Variants in NDC1 observed in about 807,000 individuals in gnomAD.
The protein encoded by NDC1 is nucleoporin NDC1.
In NDC1, 24 loss-of-function variants were observed where a neutral mutation model predicts 89.8. The observed-to-expected ratio is 0.27, with a 90% CI of 0.19 to 0.38. The LOEUF (loss-of-function observed/expected upper bound fraction) is 0.38. Among genes scored for constraint, NDC1 ranks in the 10% least tolerant of loss-of-function variants. The pLI, the probability that NDC1 is intolerant of heterozygous loss-of-function variation, is 1.00. For missense variants in NDC1, 728 were observed against 797.6 expected, an observed-to-expected ratio of 0.91 and a Z score of 1.05; for synonymous variants, 296 against 284.8, an observed-to-expected ratio of 1.04 and a Z score of -0.39.
intron 16 of NDC1, among the ~76,000 whole-genome samples, chr1:53,782,410 T>C (rs1371362074): frequency 6.6e-6 from 1 of 152,116 alleles, no homozygotes; most frequent in Non-Finnish European, 1.5e-5. Context: ...CTCAAGGACA[T>C]GGGGACAAAG....
intron 13 of NDC1, among the ~76,000 whole-genome samples, chr1:53,796,459 T>C (rs551786986): frequency 6.6e-6 from 1 of 152,052 alleles, no homozygotes; most frequent in African/African-American, 2.4e-5. Flanking sequence ...ACACCTTGGA[T>C]ATATAAAGAA....
At chr1:53,800,246 A>C (rs116321588) in intron 11 of NDC1, among the ~76,000 whole-genome samples, 1 of 151,986 alleles carries the variant, frequency 6.6e-6, no homozygotes, top group Non-Finnish European at 1.5e-5. Flanking sequence ...TCTTGGTTCA[A>C]TATAAGATGC....
intron 1 of NDC1, 27 bp downstream of exon 1, chr1:53,838,178 G>T (rs1318249766): frequency 3.9e-6 from 6 of 1,529,258 alleles, no homozygotes; most frequent in Non-Finnish European, 5.3e-6. Context: ...CCCTGGCAGT[G>T]CGTGCCACAG....
rs370192260 is a variant in NDC1, at chr1:53,791,979, T to G, written c.1635+1250A>C. On this transcript the variant is annotated intron_variant, in intron 14 of 17. Coordinates refer to ENST00000371429, the MANE Select transcript of NDC1 (RefSeq NM_018087.5). Reference sequence around the variant, plus strand: ...TTTTTTTGAGACGGCGTCTCGCTCTTTCACCCAGGCCGGACTCCAGTGGCT... The same window carrying G: ...TTTTTTTGAGACGGCGTCTCGCTCTGTCACCCAGGCCGGACTCCAGTGGCT... Among the ~76,000 whole-genome samples the G allele has an allele frequency of 1.5e-4, 23 of 151,772 alleles. 1 individual carries two copies. Among genetic ancestry groups the G allele is most frequent in the Admixed American group, 3.3e-4 (5 of 15,228 alleles).
chr1:53,771,364 T>G (rs1647111952), intron 17 of NDC1, among the ~76,000 whole-genome samples: 1 of 152,210 alleles, frequency 6.6e-6, no homozygotes, highest in South Asian at 2.1e-4. Context: ...TCAGGCAAAT[T>G]TTAACATCTC....
chr1:53,787,705 G>A (rs983243319), intron 15 of NDC1, among the ~76,000 whole-genome samples: 4 of 145,384 alleles, frequency 2.8e-5, no homozygotes, highest in Admixed American at 6.8e-5. Context: ...AAAGGGAGGA[G>A]CAATTCAATA....
chr1:53,774,795 G>A (rs1413094590), intron 16 of NDC1, among the ~76,000 whole-genome samples: 2 of 152,038 alleles, frequency 1.3e-5, no homozygotes, highest in Non-Finnish European at 2.9e-5. Context: ...ACTGATGTGG[G>A]TGGGAGGATT....
Position 53,804,027 on chromosome 1 carries a change from C to T in NDC1, c.985-18G>A, listed in dbSNP as rs1240200233. The T allele has an allele frequency of 6.3e-7, 1 of 1,581,820 alleles. No homozygotes were observed. Among genetic ancestry groups the T allele is most frequent in the Admixed American group, 1.7e-5 (1 of 59,204 alleles). Reference sequence around the variant, plus strand: ...GCTAAATACTAACAGGGGGAAAAAACACATATTATTTAATTTTTTTTAACC... The same window carrying T: ...GCTAAATACTAACAGGGGGAAAAAATACATATTATTTAATTTTTTTTAACC... On this transcript the variant is annotated intron_variant, in intron 9 of 17. Transcript: ENST00000371429.
intron 13 of NDC1, among the ~76,000 whole-genome samples, chr1:53,794,752 G>A (rs1421717801): frequency 6.6e-6 from 1 of 152,094 alleles, no homozygotes; most frequent in African/African-American, 2.4e-5. Flanking sequence ...GCAGGCACCT[G>A]TAGTCCCAGC....
intron 7 of NDC1, among the ~76,000 whole-genome samples, chr1:53,809,364 C>A (rs982301269): frequency 6.6e-6 from 1 of 152,044 alleles, no homozygotes; most frequent in African/African-American, 2.4e-5. Flanking sequence ...TTATTATTTT[C>A]TTTTTGAGAC....
intron 1 of NDC1, among the ~76,000 whole-genome samples, 200 bp from the exon 2 acceptor site, chr1:53,835,820 T>A (rs1469280729): frequency 6.6e-6 from 1 of 152,184 alleles, no homozygotes; most frequent in Non-Finnish European, 1.5e-5. Flanking sequence ...AGTACAAAGT[T>A]AGGTGCAACA....
chr1:53,771,418 A>G (rs947255537), intron 17 of NDC1, among the ~76,000 whole-genome samples: 1 of 152,176 alleles, frequency 6.6e-6, no homozygotes, highest in African/African-American at 2.4e-5. Context: ...TAATTTCTAC[A>G]CTTCACAGGG....
intron 14 of NDC1, 35 bp downstream of exon 14, chr1:53,793,194 T>A: frequency 2.0e-6 from 3 of 1,512,222 alleles, no homozygotes; most frequent in Non-Finnish European, 2.8e-6. Flanking sequence ...ATTTCCTCCC[T>A]CCCCATTCCC....
chr1:53,831,367 A>AT (rs980268924), intron 3 of NDC1, among the ~76,000 whole-genome samples: 116 of 146,666 alleles, frequency 7.9e-4, no homozygotes, highest in Non-Finnish European at 1.5e-3. Context: ...CATTTAAAAA[A>AT]TTTTTTTTAA....
chr1:53,789,276 CA>C, intron 14 of NDC1, 80 bp from the exon 15 acceptor site: 1 of 805,782 alleles, frequency 1.2e-6, no homozygotes, highest in East Asian at 2.6e-5. Flanking sequence ...ATATGTAGAC[CA>C]CAAAACAAAA....
At chr1:53,778,036 A>C (rs1266647461) in intron 16 of NDC1, among the ~76,000 whole-genome samples, 1 of 152,022 alleles carries the variant, frequency 6.6e-6, no homozygotes, top group Non-Finnish European at 1.5e-5. Context: ...TGTTGTAACA[A>C]AAGATGTAAA....
chr1:53,772,306 T>C (rs374048608), intron 17 of NDC1, 23 bp downstream of exon 17: 22 of 1,610,110 alleles, frequency 1.4e-5, no homozygotes, highest in Non-Finnish European at 1.8e-5. Context: ...GGTATCATCA[T>C]GGATCAAAAC....
intron 5 of NDC1, among the ~76,000 whole-genome samples, chr1:53,824,234 GAA>G (rs752108016): frequency 1.2e-4 from 10 of 83,942 alleles, no homozygotes; most frequent in Non-Finnish European, 1.9e-4. Context: ...AACCTTTCTC[GAA>G]AAAAAAAAAA....
rs1266882267 is a variant in NDC1 at position 53,838,224 on chromosome 1, G to A, written c.38C>T (p.Ser13Leu). The A allele has an allele frequency of 2.6e-6, 4 of 1,536,064 alleles. No homozygotes were observed. The highest frequency in any genetic ancestry group is 2.4e-5 in the East Asian group (1 of 40,852). ...TAVSRPCAGR[S>L]RDILWRVLGW... Reference sequence around the variant, plus strand: ...ACTCACGCGCCACAGTATGTCCCGCGACCTGCCGGCGCAGGGCCGGCTCAC... The same window carrying A: ...ACTCACGCGCCACAGTATGTCCCGCAACCTGCCGGCGCAGGGCCGGCTCAC... Residue 13 changes from serine to leucine, a missense_variant, in exon 1 of 18, where the codon TCG (serine) becomes TTG (leucine). By Grantham distance (145) the Ser-to-Leu change is moderately radical. Coordinates refer to ENST00000371429, the MANE Select transcript of NDC1 (RefSeq NM_018087.5).
Sources: allele counts gnomAD v4.1 joint callset (sites outside exome capture counted in the v4.1 genomes callset), GRCh38; gene constraint gnomAD v4.1.1; transcripts MANE v1.5; gene names NCBI Gene and HGNC (gene_info 2026-07-23, HGNC 2026-07-21).